Variants in SLC41A3 observed in about 807,000 individuals in gnomAD.
SLC41A3 encodes the protein SLC41A1-like 2.
A neutral mutation model predicts 45.4 loss-of-function variants in SLC41A3; 44 were observed. That is an observed-to-expected ratio of 0.97 (90% CI 0.76 to 1.25). The LOEUF is 1.25. SLC41A3 is among the 50% of genes most tolerant of loss of function. The pLI is 0.00. For synonymous variants in SLC41A3, 256 were observed against 252.4 expected, an observed-to-expected ratio of 1.01 and a Z score of -0.13; for missense variants, 550 against 600.6, an observed-to-expected ratio of 0.92 and a Z score of 0.88.
chr3:126,026,487 A>T lies in SLC41A3; in HGVS notation c.454-8T>A, dbSNP rs765576547. ...CACGACAGTGGCCTGCACCTGTTGG[A>T]CAGAAATCAGAAGCATGAAGGGGGG... On this transcript the variant is annotated splice_polypyrimidine_tract_variant and splice_region_variant and intron_variant, in intron 4 of 10. Coordinates refer to ENST00000360370, the MANE Select transcript of SLC41A3 (RefSeq NM_017836.4). The surrounding 1 kb of genome is among the most constrained non-coding windows in gnomAD (Gnocchi z 4.2). 2.5e-6 allele frequency: 4 copies of T among 1,599,032 alleles called. No homozygotes were observed. In the South Asian group the frequency reaches 4.5e-5, roughly 18 times the overall value.
intron 2 of SLC41A3, among the ~76,000 whole-genome samples, chr3:126,060,004 C>A (rs1309699307): frequency 6.6e-6 from 1 of 152,224 alleles, no homozygotes; most frequent in East Asian, 1.9e-4. Context: ...AATCCTGGAA[C>A]CACCCTCATC....
At chr3:126,015,603 A>T (rs764878867) in intron 7 of SLC41A3, 30 bp from the exon 8 acceptor site, 1 of 1,610,098 alleles carries the variant, frequency 6.2e-7, no homozygotes, top group Non-Finnish European at 8.5e-7. Context: ...CAGTCAAGTT[A>T]TCAGAGTTTA....
At chr3:126,089,969 G>A (rs574493602) in intron 1 of SLC41A3, among the ~76,000 whole-genome samples, 7 of 150,156 alleles carry the variant, frequency 4.7e-5, no homozygotes, top group East Asian at 2.0e-4. Flanking sequence ...TGGTATTTCC[G>A]AGGTAAATAG....
intron 2 of SLC41A3, chr3:126,056,819 T>A (rs962724512): frequency 7.7e-7 from 1 of 1,290,354 alleles, no homozygotes; most frequent in Non-Finnish European, 9.9e-7. Context: ...TCCCTGAAGG[T>A]CAGGCTCTCC....
chr3:126,054,595 T>C (rs6808519), intron 2 of SLC41A3, among the ~76,000 whole-genome samples: 99,663 of 151,278 alleles, frequency 0.66, 33,088 homozygotes, highest in Middle Eastern at 0.72. Flanking sequence ...CCTGTATCTT[T>C]GCACACAAAT....
At chr3:126,067,511 G>A (rs776109306) in intron 2 of SLC41A3, 42 of 393,068 alleles carry the variant, frequency 1.1e-4, no homozygotes, top group Admixed American at 6.0e-4. Flanking sequence ...AAAGGCAGCC[G>A]TCTGCAAGCC....
intron 8 of SLC41A3, among the ~76,000 whole-genome samples, chr3:126,014,882 C>T (rs1161384506): frequency 6.6e-6 from 1 of 152,182 alleles, no homozygotes; most frequent in African/African-American, 2.4e-5. Context: ...ACACAAACCC[C>T]ACAGGGTGTA....
Position 126,006,761 on chromosome 3 carries a change from T to C in SLC41A3, c.*255A>G, listed in dbSNP as rs1939146523. ...CTCCTCTCCACAAACGTGTGCACACTTGCACGCTCATTAAGCATGTGCACA... is the reference window on the plus strand; with the variant it reads ...CTCCTCTCCACAAACGTGTGCACACCTGCACGCTCATTAAGCATGTGCACA... On this transcript the variant is annotated 3_prime_UTR_variant, in exon 11 of 11. Coordinates refer to ENST00000360370, the MANE Select transcript of SLC41A3 (RefSeq NM_017836.4). 1 of 1,443,340 alleles carries C rather than the reference T, an allele frequency of 6.9e-7. No homozygotes were observed. Among genetic ancestry groups the C allele is most frequent in the African/African-American group, 1.4e-5 (1 of 69,726 alleles). 89.4% of individuals were successfully genotyped at this position (1,443,340 alleles called of 1,614,324 possible).
chr3:126,036,207 C>T (rs566660760), intron 3 of SLC41A3, among the ~76,000 whole-genome samples: 45 of 152,370 alleles, frequency 3.0e-4, no homozygotes, highest in South Asian at 4.1e-4. Context: ...TTCACTGACT[C>T]GGGGCGCCAG....
intron 1 of SLC41A3, among the ~76,000 whole-genome samples, chr3:126,099,572 C>G (rs1429145503): frequency 6.6e-6 from 1 of 152,130 alleles, no homozygotes; most frequent in Non-Finnish European, 1.5e-5. Flanking sequence ...ATTAGCCAGG[C>G]ACCTGTAGTC....
chr3:126,050,606 G>A (rs549687345), intron 3 of SLC41A3, among the ~76,000 whole-genome samples: 65 of 152,316 alleles, frequency 4.3e-4, no homozygotes, highest in African/African-American at 1.4e-3. Context: ...TGGCTTCTGT[G>A]TGAACGTGTG....
At chr3:126,056,511 G>T (rs781419095) in intron 2 of SLC41A3, 1 of 1,614,100 alleles carries the variant, frequency 6.2e-7, no homozygotes, top group East Asian at 2.2e-5. Context: ...GCAGCTTCTT[G>T]CCCTGAAAGC....
intron 5 of SLC41A3, 110 bp from the exon 6 acceptor site, chr3:126,023,042 G>A: frequency 7.0e-7 from 1 of 1,434,820 alleles, no homozygotes; most frequent in Non-Finnish European, 9.4e-7. Flanking sequence ...ACTGGCAGGT[G>A]GCAGGGAGGC....
chr3:126,089,811 T>C (rs896290591), intron 1 of SLC41A3, among the ~76,000 whole-genome samples: 2 of 152,036 alleles, frequency 1.3e-5, no homozygotes, highest in African/African-American at 4.8e-5. Context: ...ATAAAAATGG[T>C]TTACATAGAA....
At chr3:126,033,853 A>C (rs924105348) in intron 3 of SLC41A3, among the ~76,000 whole-genome samples, 175 bp from the exon 4 acceptor site, 1 of 151,998 alleles carries the variant, frequency 6.6e-6, no homozygotes, top group African/African-American at 2.4e-5. Context: ...TTATACGGGG[A>C]GTGGGGAGAA....
chr3:126,043,165 T>C (rs370036007), intron 3 of SLC41A3, among the ~76,000 whole-genome samples: 2 of 152,048 alleles, frequency 1.3e-5, no homozygotes, highest in Admixed American at 6.5e-5. Context: ...GGAAAGAGAC[T>C]CATAACATAC....
At chr3:126,035,440 G>C (rs1275194857) in intron 3 of SLC41A3, among the ~76,000 whole-genome samples, 2 of 152,176 alleles carry the variant, frequency 1.3e-5, no homozygotes, top group Non-Finnish European at 2.9e-5. Flanking sequence ...TGCGGGTTTG[G>C]GTGGAGGAAC....
chr3:126,086,081 G>A (rs1945381314), upstream of SLC41A3, among the ~76,000 whole-genome samples: 1 of 151,874 alleles, frequency 6.6e-6, no homozygotes, highest in Non-Finnish European at 1.5e-5. Context: ...CTAGGCCACA[G>A]CTCAGTTCCT....
chr3:126,019,867 G>T (rs888746544), intron 6 of SLC41A3, among the ~76,000 whole-genome samples: 3 of 151,956 alleles, frequency 2.0e-5, no homozygotes, highest in African/African-American at 7.3e-5. Flanking sequence ...GGGTCTTGGC[G>T]GGAGTCCTGC....
Sources: allele counts gnomAD v4.1 joint callset (sites outside exome capture counted in the v4.1 genomes callset), GRCh38; gene constraint gnomAD v4.1.1; non-coding constraint Gnocchi (gnomAD v3.1); transcripts MANE v1.5; gene names NCBI Gene and HGNC (gene_info 2026-07-23, HGNC 2026-07-21).